CDH22: variants seen among roughly 807,000 people sequenced by gnomAD.
The protein encoded by CDH22 is cadherin 22.
A neutral mutation model predicts 58.4 loss-of-function variants in CDH22; 30 were observed. That is an observed-to-expected ratio of 0.51 (90% CI 0.38 to 0.70). CDH22 has a LOEUF of 0.70. CDH22 is among the 30% of genes least tolerant of loss of function. The pLI is 0.00. For synonymous variants in CDH22, 513 were observed against 558.2 expected, an observed-to-expected ratio of 0.92 and a Z score of 1.14; for missense variants, 1,014 against 1,233.9, an observed-to-expected ratio of 0.82 and a Z score of 2.67.
intron 4 of CDH22, 57 bp downstream of exon 4, chr20:46,227,451 C>G: frequency 1.4e-6 from 2 of 1,405,228 alleles, no homozygotes; most frequent in Non-Finnish European, 1.9e-6. Flanking sequence ...GTCCTCGTCC[C>G]GCCCCGCCCC....
chr20:46,302,169 A>G (rs2086655132), intron 1 of CDH22, among the ~76,000 whole-genome samples: 1 of 152,158 alleles, frequency 6.6e-6, no homozygotes, highest in East Asian at 1.9e-4. Context: ...GACCCTAGGG[A>G]GGAAAAAATG....
At chr20:46,304,307 C>A (rs1233825914) in intron 1 of CDH22, among the ~76,000 whole-genome samples, 2 of 152,218 alleles carry the variant, frequency 1.3e-5, no homozygotes, top group African/African-American at 4.8e-5. Flanking sequence ...AATAACAATA[C>A]TGCTTTATGT....
At chr20:46,219,951 C>T (rs940239919) in intron 4 of CDH22, 3 of 152,358 alleles carry the variant, frequency 2.0e-5, no homozygotes, top group African/African-American at 7.3e-5. Flanking sequence ...ATTCTCCACC[C>T]TGGGGGGTTG....
intron 1 of CDH22, among the ~76,000 whole-genome samples, chr20:46,266,859 C>A (rs568288124): frequency 5.3e-5 from 8 of 151,626 alleles, no homozygotes; most frequent in African/African-American, 4.8e-5. Context: ...GCCTCTGGAG[C>A]CCCAGATTCA....
chr20:46,286,261 T>C (rs1362206993), intron 1 of CDH22, among the ~76,000 whole-genome samples: 1 of 152,068 alleles, frequency 6.6e-6, no homozygotes, highest in East Asian at 1.9e-4. Context: ...CAAGCTGGAT[T>C]TGAACCCAGC....
chr20:46,223,732 T>TCTTC (rs139935802), intron 4 of CDH22, among the ~76,000 whole-genome samples: 3 of 149,648 alleles, frequency 2.0e-5, no homozygotes, highest in Non-Finnish European at 4.5e-5. Context: ...TCTTTCTCTT[T>TCTTC]CTTTCTTTCT....
intron 3 of CDH22, among the ~76,000 whole-genome samples, chr20:46,233,299 C>T (rs933218560): frequency 6.6e-6 from 1 of 152,112 alleles, no homozygotes; most frequent in Non-Finnish European, 1.5e-5. Context: ...CCCATCCAGG[C>T]GACCCCTGAC....
chr20:46,292,640 C>T (rs1434346288), intron 1 of CDH22, among the ~76,000 whole-genome samples: 3 of 152,164 alleles, frequency 2.0e-5, no homozygotes, highest in Non-Finnish European at 2.9e-5. Flanking sequence ...TCTCCAGAAC[C>T]CACTCTCCTC....
chr20:46,246,602 A>G (rs1336890986), intron 2 of CDH22, among the ~76,000 whole-genome samples: 2 of 152,052 alleles, frequency 1.3e-5, no homozygotes, highest in East Asian at 1.9e-4. Flanking sequence ...AGGGTTGCCA[A>G]TGGGGGCAGG....
At position 46,174,854 on chromosome 20, in the gene CDH22, G is replaced by GGCCCCC; in HGVS notation, c.2138_2139insGGGGGC (p.Gly713_Ser714insGlyAla). 9.0e-7 allele frequency: 1 copy of GGCCCCC among 1,113,904 alleles called. No homozygotes were observed. The highest frequency in any genetic ancestry group is 1.2e-6 in the Non-Finnish European group (1 of 858,958). 69.0% of individuals were successfully genotyped at this position (1,113,904 alleles called of 1,614,324 possible). On this transcript the variant is annotated inframe_insertion, in exon 12 of 12. Coordinates refer to ENST00000537909, the MANE Select transcript of CDH22 (RefSeq NM_021248.3). This position sits in a 1 kb window ranked among gnomAD's most constrained non-coding sequence, Gnocchi z 4.4. ...GGGGGCTGCCCGCGCCCCCGCCCGA[G>GGCCCCC]CCCCCGCCCGCTCCCCCGCCCGCGC...
chr20:46,246,844 C>G (rs2086333154), intron 2 of CDH22, among the ~76,000 whole-genome samples: 1 of 152,164 alleles, frequency 6.6e-6, no homozygotes, highest in African/African-American at 2.4e-5. Flanking sequence ...AACCAGGAAG[C>G]AGTGAATTAA....
At chr20:46,196,145 G>C (rs935233428) in intron 8 of CDH22, among the ~76,000 whole-genome samples, 1 of 152,208 alleles carries the variant, frequency 6.6e-6, no homozygotes, top group African/African-American at 2.4e-5. Flanking sequence ...CCCCTGCCAG[G>C]ACTTGCTCTG....
In CDH22 at chr20:46,304,143, C is replaced by T. The variant is rs549907956; in HGVS notation, c.-400+4112G>A. On this transcript the variant is annotated intron_variant, in intron 1 of 11. Transcript: ENST00000537909. Reference sequence around the variant, plus strand: ...GGAAGAAGGATCCTGAAGTCAGAGACGGATCCTGAAGTCAGAGACAGATCC... The same window carrying T: ...GGAAGAAGGATCCTGAAGTCAGAGATGGATCCTGAAGTCAGAGACAGATCC... 1.3e-4 allele frequency among the ~76,000 whole-genome samples: 20 copies of T among 152,236 alleles called. No individual in the cohort carries two copies. The South Asian group carries it at 2.3e-3, about 17-fold the overall frequency.
chr20:46,178,426 G>T (rs2145644523), intron 10 of CDH22, among the ~76,000 whole-genome samples: 1 of 151,910 alleles, frequency 6.6e-6, no homozygotes, highest in South Asian at 2.1e-4. Flanking sequence ...ACCCTCAGCT[G>T]CCCAAAATCC....
At chr20:46,290,777 G>C (rs1397936812) in intron 1 of CDH22, among the ~76,000 whole-genome samples, 3 of 152,100 alleles carry the variant, frequency 2.0e-5, no homozygotes, top group Non-Finnish European at 2.9e-5. Context: ...AAGCAGGGTG[G>C]GAGCTGGTGA....
At chr20:46,303,364 C>T (rs1254578650) in intron 1 of CDH22, among the ~76,000 whole-genome samples, 1 of 152,154 alleles carries the variant, frequency 6.6e-6, no homozygotes, top group African/African-American at 2.4e-5. Context: ...ACAGCACTTC[C>T]TCCTAGAAGC....
At chr20:46,292,151 C>T (rs1370328104) in intron 1 of CDH22, among the ~76,000 whole-genome samples, 1 of 152,180 alleles carries the variant, frequency 6.6e-6, no homozygotes. Flanking sequence ...GGTGGTAGGA[C>T]TTAGGTCTCT....
chr20:46,289,541 C>G (rs1208901218), intron 1 of CDH22, among the ~76,000 whole-genome samples: 2 of 152,208 alleles, frequency 1.3e-5, no homozygotes, highest in Non-Finnish European at 2.9e-5. Flanking sequence ...GTCTGCTTGT[C>G]TGTCTCCCCC....
Position 46,271,092 on chromosome 20 carries a change from T to A in CDH22, c.-399-19399A>T, listed in dbSNP as rs568810748. On this transcript the variant is annotated intron_variant, in intron 1 of 11. Transcript: ENST00000537909. ...GTGGAGCAGTCATGAGAGTGGAAGATAATGAATAGCAGCTGCTGTTTGTGG... is the reference window on the plus strand; with the variant it reads ...GTGGAGCAGTCATGAGAGTGGAAGAAAATGAATAGCAGCTGCTGTTTGTGG... Among the ~76,000 whole-genome samples, 7 of 152,336 alleles carry A rather than the reference T, an allele frequency of 4.6e-5. No homozygotes were observed. In the South Asian group the frequency reaches 1.5e-3, roughly 32 times the overall value.
Sources: allele counts gnomAD v4.1 joint callset (sites outside exome capture counted in the v4.1 genomes callset), GRCh38; gene constraint gnomAD v4.1.1; non-coding constraint Gnocchi (gnomAD v3.1); transcripts MANE v1.5; gene names NCBI Gene and HGNC (gene_info 2026-07-23, HGNC 2026-07-21).